Variants in ZNF277 observed in about 807,000 individuals in gnomAD.
The protein encoded by ZNF277 is nuclear receptor-interacting factor 4.
ZNF277 carries 55 observed loss-of-function variants against 60.7 expected under a neutral mutation model. That is an observed-to-expected ratio of 0.91 (90% CI 0.73 to 1.13). The LOEUF (loss-of-function observed/expected upper bound fraction) is 1.13, where lower values mean the gene tolerates loss of function less well. ZNF277 is among the 50% of genes most tolerant of loss of function. ZNF277 has a pLI of 0.00. For synonymous variants in ZNF277, 178 were observed against 179.3 expected (o/e 0.99, Z 0.06); for missense variants, 510 against 523.0 (o/e 0.98, Z 0.24).
At chr7:112,340,034 G>A (rs779505200) in intron 10 of ZNF277, 149 bp downstream of exon 10, 1 of 713,550 alleles carries the variant, frequency 1.4e-6, no homozygotes, top group South Asian at 1.9e-5. Flanking sequence ...TCTCTGTGAA[G>A]CAGTGATGCT....
Position 112,221,459 on chromosome 7 carries a change from G to A in ZNF277, c.91+14652G>A, listed in dbSNP as rs747344482. On this transcript the variant is annotated intron_variant, in intron 1 of 11. Transcript: ENST00000361822. Reference sequence around the variant, plus strand: ...GGTCCCCAACCTTCTTGGCACCAGGGACTGGTTTCGTGGAAGACAGTTTTT... The same window carrying A: ...GGTCCCCAACCTTCTTGGCACCAGGAACTGGTTTCGTGGAAGACAGTTTTT... Among the ~76,000 whole-genome samples the A allele has an allele frequency of 8.9e-4, 136 of 152,164 alleles. 1 individual carries two copies. Among genetic ancestry groups the A allele is most frequent in the Non-Finnish European group, 2.2e-4 (15 of 68,034 alleles).
intron 7 of ZNF277, among the ~76,000 whole-genome samples, chr7:112,334,362 T>C (rs1339681248): frequency 6.6e-6 from 1 of 152,034 alleles, no homozygotes; most frequent in Admixed American, 6.6e-5. Flanking sequence ...CCTGACATGA[T>C]TCATTAGCAG....
rs1322272966 is a variant in ZNF277, at chr7:112,287,016, A to G, written c.235A>G (p.Met79Val). ...VAEQDKLLKH[M>V]IIEHKIVIAD... ...TGAACAAGACAAACTTCTGAAGCACATGATTATTGAGCATAAGATTGTCAT... is the reference window on the plus strand; with the variant it reads ...TGAACAAGACAAACTTCTGAAGCACGTGATTATTGAGCATAAGATTGTCAT... Residue 79 changes from methionine to valine, a missense_variant, in exon 2 of 12, where the codon ATG (methionine) becomes GTG (valine). Coordinates refer to ENST00000361822, the MANE Select transcript of ZNF277 (RefSeq NM_021994.3). The G allele has an allele frequency of 2.5e-6, 4 of 1,614,000 alleles. No individual in the cohort carries two copies. The African/African-American group carries it at 4.0e-5, about 16-fold the overall frequency.
chr7:112,339,964 A>G, intron 10 of ZNF277, 79 bp downstream of exon 10: 2 of 1,353,408 alleles, frequency 1.5e-6, no homozygotes, highest in Non-Finnish European at 2.1e-6. Flanking sequence ...TATGTTCAGT[A>G]GCTATGATTG....
At chr7:112,303,533 A>T (rs974352891) in intron 4 of ZNF277, among the ~76,000 whole-genome samples, 4 of 151,978 alleles carry the variant, frequency 2.6e-5, no homozygotes, top group Non-Finnish European at 5.9e-5. Context: ...TGCCATGCTG[A>T]TAGCTTTCTT....
intron 4 of ZNF277, 94 bp from the exon 5 acceptor site, chr7:112,318,088 C>A: frequency 2.0e-6 from 2 of 989,834 alleles, no homozygotes; most frequent in Non-Finnish European, 3.1e-6. Context: ...TCCCTTTATG[C>A]TTCCAGCCCA....
At chr7:112,289,638 C>T (rs1047036349) in intron 2 of ZNF277, among the ~76,000 whole-genome samples, 3 of 152,190 alleles carry the variant, frequency 2.0e-5, no homozygotes, top group African/African-American at 7.2e-5. Context: ...GTTTCAGACA[C>T]TTCTTAGGCT....
intron 1 of ZNF277, among the ~76,000 whole-genome samples, chr7:112,226,001 T>C (rs1054239723): frequency 6.6e-6 from 1 of 152,190 alleles, no homozygotes; most frequent in African/African-American, 2.4e-5. Flanking sequence ...ACATAAATAT[T>C]ATATCCTGTT....
chr7:112,224,039 A>G (rs867444625), intron 1 of ZNF277, among the ~76,000 whole-genome samples: 10 of 152,364 alleles, frequency 6.6e-5, no homozygotes, highest in South Asian at 4.1e-4. Context: ...GAATGCCCAG[A>G]TGACTGCAGG....
chr7:112,272,789 C>G (rs1205561872), intron 1 of ZNF277, among the ~76,000 whole-genome samples: 1 of 152,122 alleles, frequency 6.6e-6, no homozygotes, highest in South Asian at 2.1e-4. Context: ...CCACTGTACC[C>G]GGCCTTATTT....
intron 4 of ZNF277, among the ~76,000 whole-genome samples, chr7:112,298,552 A>G (rs1792404449): frequency 6.6e-6 from 1 of 152,208 alleles, no homozygotes; most frequent in South Asian, 2.1e-4. Context: ...ACTTTGTAGT[A>G]ATAAAGACCC....
intron 1 of ZNF277, among the ~76,000 whole-genome samples, chr7:112,220,901 C>T (rs771025308): frequency 1.5e-4 from 23 of 152,192 alleles, no homozygotes; most frequent in East Asian, 3.9e-4. Context: ...CCAGCCAGCA[C>T]GGGCTACCCT....
At chr7:112,231,010 C>G (rs1822311068) in intron 1 of ZNF277, among the ~76,000 whole-genome samples, 1 of 151,982 alleles carries the variant, frequency 6.6e-6, no homozygotes. Flanking sequence ...GTCAGGAGTT[C>G]AAGACCAGCC....
At chr7:112,215,602 G>C (rs1338110066) in intron 1 of ZNF277, among the ~76,000 whole-genome samples, 1 of 152,212 alleles carries the variant, frequency 6.6e-6, no homozygotes, top group Admixed American at 6.5e-5. Flanking sequence ...ATTTGATTCT[G>C]TGATATGCAT....
intron 1 of ZNF277, among the ~76,000 whole-genome samples, chr7:112,230,812 C>T (rs1183188177): frequency 6.6e-6 from 1 of 152,032 alleles, no homozygotes; most frequent in Non-Finnish European, 1.5e-5. Flanking sequence ...CTATTTTTAC[C>T]AGATATTCCT....
At chr7:112,210,087 G>A (rs1343293132) in intron 1 of ZNF277, among the ~76,000 whole-genome samples, 1 of 152,092 alleles carries the variant, frequency 6.6e-6, no homozygotes, top group Non-Finnish European at 1.5e-5. Context: ...TATGGCACAT[G>A]TATACATATG....
chr7:112,299,445 TC>T, intron 4 of ZNF277, among the ~76,000 whole-genome samples: 1 of 152,320 alleles, frequency 6.6e-6, no homozygotes, highest in Non-Finnish European at 1.5e-5. Context: ...GTATACCATT[TC>T]TGAGAGGCAC....
chr7:112,270,965 T>TA (rs1791656421), intron 1 of ZNF277, among the ~76,000 whole-genome samples: 1 of 146,708 alleles, frequency 6.8e-6, no homozygotes, highest in Non-Finnish European at 1.5e-5. Context: ...AATCTCTGTG[T>TA]AAAAAAATCA....
intron 1 of ZNF277, among the ~76,000 whole-genome samples, chr7:112,258,273 T>G (rs1302512735): frequency 6.6e-6 from 1 of 151,652 alleles, no homozygotes; most frequent in Non-Finnish European, 1.5e-5. Context: ...ACAGAAGCCT[T>G]TTTTTTTGCT....
Sources: gnomAD v4.1 joint callset for allele counts (sites outside exome capture counted in the v4.1 genomes callset) on GRCh38, gnomAD v4.1.1 for gene constraint, MANE v1.5 for transcripts, NCBI Gene and HGNC (gene_info 2026-07-23, HGNC 2026-07-21) for gene names.